Variants in SEMA5A observed in about 807,000 individuals in gnomAD.
The protein encoded by SEMA5A is semaphorin-5A.
A neutral mutation model predicts 135.5 loss-of-function variants in SEMA5A; 55 were observed. The observed-to-expected ratio is 0.41, with a 90% CI of 0.33 to 0.51. The LOEUF (loss-of-function observed/expected upper bound fraction) is 0.51, where lower values mean the gene tolerates loss of function less well. Ranked by LOEUF, SEMA5A falls within the 20% of genes least tolerant of loss-of-function variation. The pLI is 0.37. For missense variants in SEMA5A, 1,290 were observed against 1,419.9 expected, an observed-to-expected ratio of 0.91 and a Z score of 1.47; for synonymous variants, 580 against 546.5, an observed-to-expected ratio of 1.06 and a Z score of -0.85.
intron 3 of SEMA5A, among the ~76,000 whole-genome samples, chr5:9,350,884 A>C (rs903542587): frequency 1.3e-5 from 2 of 152,218 alleles, no homozygotes; most frequent in Admixed American, 1.3e-4. Flanking sequence ...CCCTAACTGC[A>C]AGTATAAATG....
chr5:9,504,547 G>C (rs1579648308), intron 1 of SEMA5A, among the ~76,000 whole-genome samples: 1 of 152,304 alleles, frequency 6.6e-6, no homozygotes, highest in Non-Finnish European at 1.5e-5. Flanking sequence ...CAGCAGGTAA[G>C]CACAAGTGCT....
rs188660334 is a variant in SEMA5A, at chr5:9,370,064, G to A, written c.124+9759C>T. Among the ~76,000 whole-genome samples, 375 of 152,220 alleles carry A rather than the reference G, an allele frequency of 2.5e-3. 1 individual carries two copies. Among genetic ancestry groups the A allele is most frequent in the African/African-American group, 7.3e-3 (305 of 41,508 alleles). Reference sequence around the variant, plus strand: ...AACCCTAGTAACTAAAACAATTTCTGGCACATAATAAGCACTCAATAAATA... The same window carrying A: ...AACCCTAGTAACTAAAACAATTTCTAGCACATAATAAGCACTCAATAAATA... On this transcript the variant is annotated intron_variant, in intron 3 of 22. Coordinates refer to ENST00000382496, the MANE Select transcript of SEMA5A (RefSeq NM_003966.3).
At chr5:9,471,005 G>C (rs1374379219) in intron 1 of SEMA5A, among the ~76,000 whole-genome samples, 1 of 152,104 alleles carries the variant, frequency 6.6e-6, no homozygotes, top group Non-Finnish European at 1.5e-5. Context: ...ATGATAAGGA[G>C]GGCTTTCTCA....
chr5:9,503,701 C>A (rs937136733), intron 1 of SEMA5A, among the ~76,000 whole-genome samples: 2 of 152,212 alleles, frequency 1.3e-5, no homozygotes. Flanking sequence ...TCTTACAATG[C>A]CATCTCTCTT....
At chr5:9,160,758 C>T (rs1743208875) in intron 11 of SEMA5A, among the ~76,000 whole-genome samples, 1 of 152,056 alleles carries the variant, frequency 6.6e-6, no homozygotes, top group South Asian at 2.1e-4. Flanking sequence ...AGAGATGGTC[C>T]CTTCAACCTC....
At chr5:9,489,290 C>T (rs1734885024) in intron 1 of SEMA5A, among the ~76,000 whole-genome samples, 1 of 152,040 alleles carries the variant, frequency 6.6e-6, no homozygotes, top group African/African-American at 2.4e-5. Context: ...AGAATGCTTA[C>T]TAAATGGCAG....
At chr5:9,294,379 G>C (rs1264622881) in intron 5 of SEMA5A, among the ~76,000 whole-genome samples, 1 of 152,180 alleles carries the variant, frequency 6.6e-6, no homozygotes, top group African/African-American at 2.4e-5. Flanking sequence ...AAATGGGGCA[G>C]GGGACCCTGG....
At chr5:9,359,986 GGAAATATAATGA>G (rs1162276014) in intron 3 of SEMA5A, among the ~76,000 whole-genome samples, 8 of 152,092 alleles carry the variant, frequency 5.3e-5, no homozygotes, top group African/African-American at 7.2e-5. Context: ...CTTGTTTTAT[GGAAATATAATGA>G]GAAATATAGA....
chr5:9,329,309 C>A (rs191147590), intron 4 of SEMA5A, among the ~76,000 whole-genome samples: 24 of 152,272 alleles, frequency 1.6e-4, no homozygotes, highest in African/African-American at 5.5e-4. Context: ...GGTCTATGTG[C>A]CAACTACTCG....
At position 9,462,204 on chromosome 5, in the gene SEMA5A, C is replaced by A. The variant is rs962698283; in HGVS notation, c.-174-24352G>T. On this transcript the variant is annotated intron_variant, in intron 1 of 22. Coordinates refer to ENST00000382496, the MANE Select transcript of SEMA5A (RefSeq NM_003966.3). Reference sequence around the variant, plus strand: ...TTTTTAAAAGAAGACATACACGCAGCCAAAAAGCACATGAGAAAGATCTCA... The same window carrying A: ...TTTTTAAAAGAAGACATACACGCAGACAAAAAGCACATGAGAAAGATCTCA... 2.0e-5 allele frequency among the ~76,000 whole-genome samples: 3 copies of A among 152,110 alleles called. No homozygotes were observed. In the South Asian group the frequency reaches 6.2e-4, roughly 32 times the overall value.
chr5:9,251,264 T>G (rs984653892), intron 5 of SEMA5A, among the ~76,000 whole-genome samples: 1 of 152,184 alleles, frequency 6.6e-6, no homozygotes, highest in East Asian at 1.9e-4. Context: ...ATATTTTATA[T>G]AAATTACCCA....
chr5:9,312,943 T>C (rs1407126804), intron 5 of SEMA5A, among the ~76,000 whole-genome samples: 1 of 152,168 alleles, frequency 6.6e-6, no homozygotes, highest in African/African-American at 2.4e-5. Flanking sequence ...GACAGTGCTT[T>C]GATAGATATC....
chr5:9,084,667 G>A (rs1738582896), intron 16 of SEMA5A, among the ~76,000 whole-genome samples: 1 of 152,110 alleles, frequency 6.6e-6, no homozygotes, highest in South Asian at 2.1e-4. Flanking sequence ...TCTTTCTTTT[G>A]TAAATTCCCT....
intron 5 of SEMA5A, among the ~76,000 whole-genome samples, chr5:9,277,986 C>G (rs536838422): frequency 2.0e-5 from 3 of 151,778 alleles, no homozygotes; most frequent in African/African-American, 7.3e-5. Flanking sequence ...CTAGTAGAGA[C>G]AGTATTGACT....
chr5:9,424,381 C>T (rs547477894), intron 2 of SEMA5A, among the ~76,000 whole-genome samples: 12 of 152,284 alleles, frequency 7.9e-5, no homozygotes, highest in African/African-American at 2.6e-4. Context: ...AGTATCAAAG[C>T]ACTACTATAG....
At chr5:9,380,076 G>A in intron 2 of SEMA5A, 53 bp from the exon 3 acceptor site, 20 of 1,246,058 alleles carry the variant, frequency 1.6e-5, no homozygotes, top group Non-Finnish European at 2.1e-5. Flanking sequence ...TTTTCTGGTG[G>A]GTGGTCTTCT....
intron 5 of SEMA5A, among the ~76,000 whole-genome samples, chr5:9,303,117 T>A (rs969955833): frequency 1.4e-5 from 2 of 144,972 alleles, no homozygotes; most frequent in Admixed American, 1.4e-4. Flanking sequence ...TATATATATA[T>A]AATTTTTTTT....
intron 1 of SEMA5A, among the ~76,000 whole-genome samples, chr5:9,444,068 T>C (rs1461075169): frequency 6.6e-6 from 1 of 152,228 alleles, no homozygotes; most frequent in Admixed American, 6.5e-5. Flanking sequence ...TGCTGGCCAC[T>C]TTACATTCAA....
intron 1 of SEMA5A, among the ~76,000 whole-genome samples, chr5:9,516,339 A>G (rs1736515839): frequency 6.6e-6 from 1 of 152,144 alleles, no homozygotes; most frequent in South Asian, 2.1e-4. Flanking sequence ...TGCCCATCAC[A>G]TGGAGAACAG....
Sources: gnomAD v4.1 joint callset for allele counts (sites outside exome capture counted in the v4.1 genomes callset) on GRCh38, gnomAD v4.1.1 for gene constraint, MANE v1.5 for transcripts, NCBI Gene and HGNC (gene_info 2026-07-23, HGNC 2026-07-21) for gene names.